The following OXSR1 variants were observed in gnomAD, a reference collection of about 807,000 sequenced individuals.
The protein encoded by OXSR1 is oxidative stress responsive kinase 1.
In OXSR1, 24 loss-of-function variants were observed where a neutral mutation model predicts 79.8. The observed-to-expected ratio is 0.30, with a 90% CI of 0.22 to 0.42. The LOEUF (loss-of-function observed/expected upper bound fraction) is 0.42. OXSR1 is among the 10% of genes least tolerant of loss of function. OXSR1 has a pLI of 1.00. For missense variants in OXSR1, 430 were observed against 618.4 expected (o/e 0.70, Z 3.23); for synonymous variants, 226 against 209.2 (o/e 1.08, Z -0.69).
At chr3:38,237,162 A>T (rs1283143286) in intron 11 of OXSR1, among the ~76,000 whole-genome samples, 1 of 151,584 alleles carries the variant, frequency 6.6e-6, no homozygotes, top group African/African-American at 2.4e-5. Flanking sequence ...TATAAAAATG[A>T]CCCAAATCTA....
chr3:38,233,081 C>T (rs536140800), intron 10 of OXSR1, among the ~76,000 whole-genome samples: 25 of 152,208 alleles, frequency 1.6e-4, no homozygotes, highest in African/African-American at 6.0e-4. Context: ...CTCCCCCACT[C>T]CATGCTGCAC....
intron 4 of OXSR1, among the ~76,000 whole-genome samples, chr3:38,207,137 ACTT>A (rs1229993073): frequency 6.6e-6 from 1 of 152,192 alleles, no homozygotes. Context: ...TGTCACCACT[ACTT>A]TGTTTTTCTT....
chr3:38,221,714 A>G (rs751154165), intron 6 of OXSR1, 27 bp downstream of exon 6: 31 of 1,361,256 alleles, frequency 2.3e-5, no homozygotes, highest in Non-Finnish European at 3.2e-5. Flanking sequence ...TCTGTTTTAA[A>G]TGGGTTAGGG....
intron 5 of OXSR1, among the ~76,000 whole-genome samples, chr3:38,218,570 A>G (rs886216197): frequency 4.6e-5 from 7 of 151,618 alleles, no homozygotes; most frequent in Admixed American, 4.6e-4. Flanking sequence ...CATATTTTGG[A>G]TGCCAATCCC....
intron 1 of OXSR1, among the ~76,000 whole-genome samples, chr3:38,173,038 A>G (rs936441721): frequency 6.6e-6 from 1 of 152,216 alleles, no homozygotes; most frequent in African/African-American, 2.4e-5. Flanking sequence ...AAGACACATG[A>G]CAGCTGAGTT....
intron 10 of OXSR1, among the ~76,000 whole-genome samples, chr3:38,234,761 G>A (rs1559524117): frequency 1.3e-5 from 2 of 152,328 alleles, no homozygotes; most frequent in African/African-American, 2.4e-5. Flanking sequence ...AATTGAAAAC[G>A]TAAGTCCACA....
At chr3:38,218,146 G>A (rs541346481) in intron 5 of OXSR1, among the ~76,000 whole-genome samples, 1 of 152,144 alleles carries the variant, frequency 6.6e-6, no homozygotes, top group African/African-American at 2.4e-5. Flanking sequence ...TAGAATTGCT[G>A]GATCGTATAG....
chr3:38,222,248 A>G lies in OXSR1; in HGVS notation c.600+561A>G, dbSNP rs538660341. 2.7e-4 allele frequency among the ~76,000 whole-genome samples: 41 copies of G among 152,274 alleles called. 1 individual carries two copies. Among genetic ancestry groups the G allele is most frequent in the Admixed American group, 2.4e-3 (36 of 15,288 alleles). On this transcript the variant is annotated intron_variant, in intron 6 of 17. Coordinates refer to ENST00000311806, the MANE Select transcript of OXSR1 (RefSeq NM_005109.3). Reference sequence around the variant, plus strand: ...GTCACATATACTCACAGCCTAGGGGAGGAGGATAACTGCATGCTGTGCAGG... The same window carrying G: ...GTCACATATACTCACAGCCTAGGGGGGGAGGATAACTGCATGCTGTGCAGG...
At chr3:38,200,390 T>A (rs1702143508) in intron 4 of OXSR1, among the ~76,000 whole-genome samples, 4 of 152,280 alleles carry the variant, frequency 2.6e-5, no homozygotes, top group Admixed American at 1.3e-4. Context: ...TTTCCTATGA[T>A]GTTGAAAAAC....
At chr3:38,180,276 G>A (rs1701757882) in intron 1 of OXSR1, among the ~76,000 whole-genome samples, 1 of 152,112 alleles carries the variant, frequency 6.6e-6, no homozygotes, top group African/African-American at 2.4e-5. Flanking sequence ...TGCAGTTCAA[G>A]TTCACATTGT....
chr3:38,183,931 T>A lies in OXSR1; in HGVS notation c.183+816T>A, dbSNP rs141505323. 3.3e-4 allele frequency among the ~76,000 whole-genome samples: 50 copies of A among 152,330 alleles called. 2 individuals are homozygous for A. In the East Asian group the frequency reaches 8.7e-3, roughly 26 times the overall value. ...TTCAGTTTCTTTGGCTTAATGAAAATAATAATACTTGCTTTGGATACCTTT... is the reference window on the plus strand; with the variant it reads ...TTCAGTTTCTTTGGCTTAATGAAAAAAATAATACTTGCTTTGGATACCTTT... On this transcript the variant is annotated intron_variant, in intron 2 of 17. Coordinates refer to ENST00000311806, the MANE Select transcript of OXSR1 (RefSeq NM_005109.3).
At chr3:38,194,829 A>G (rs888258642) in intron 3 of OXSR1, among the ~76,000 whole-genome samples, 20 of 152,236 alleles carry the variant, frequency 1.3e-4, no homozygotes, top group Non-Finnish European at 2.2e-4. Context: ...ACCTTCTTTC[A>G]TATCACCTTT....
intron 1 of OXSR1, among the ~76,000 whole-genome samples, chr3:38,167,709 C>G (rs1336154177): frequency 2.6e-5 from 4 of 152,178 alleles, no homozygotes; most frequent in Non-Finnish European, 4.4e-5. Context: ...TGTGTCCTTG[C>G]TACATATTGG....
Position 38,236,981 on chromosome 3 carries a change from G to C in OXSR1, c.1074+20G>C, listed in dbSNP as rs774341999. The C allele has an allele frequency of 8.1e-6, 13 of 1,601,250 alleles. No homozygotes were observed. In the Admixed American group the frequency reaches 2.2e-4, roughly 27 times the overall value. The stretch of plus-strand genomic sequence containing the variant: ...CTCAGGGTAAATTTTATTAAACTGT[G>C]TACTTTAGCTAGAACTTTTTGTAGT... On this transcript the variant is annotated intron_variant, in intron 11 of 17. Coordinates refer to ENST00000311806, the MANE Select transcript of OXSR1 (RefSeq NM_005109.3).
chr3:38,245,967 C>A, intron 12 of OXSR1, 108 bp from the exon 13 acceptor site: 1 of 954,618 alleles, frequency 1.0e-6, no homozygotes, highest in Non-Finnish European at 1.7e-6. Context: ...CTGTACACTA[C>A]CCAAAAACTA....
At chr3:38,252,782 A>T in intron 17 of OXSR1, 35 bp from the exon 18 acceptor site, 1 of 1,556,978 alleles carries the variant, frequency 6.4e-7, no homozygotes, top group Non-Finnish European at 8.9e-7. Context: ...TTTGTTTATA[A>T]ATAATCACAG....
At chr3:38,196,536 A>G (rs923854126) in intron 3 of OXSR1, among the ~76,000 whole-genome samples, 4 of 152,198 alleles carry the variant, frequency 2.6e-5, no homozygotes, top group Non-Finnish European at 5.9e-5. Context: ...TGTTATGCCA[A>G]AGAAGAAGGG....
intron 4 of OXSR1, among the ~76,000 whole-genome samples, chr3:38,209,674 G>A (rs1303999604): frequency 2.2e-5 from 3 of 138,768 alleles, no homozygotes; most frequent in South Asian, 4.4e-4. Context: ...TCGCTCTGTC[G>A]CCCAGGCTGG....
chr3:38,216,228 C>A, intron 5 of OXSR1, 77 bp downstream of exon 5: 1 of 929,588 alleles, frequency 1.1e-6, no homozygotes, highest in Non-Finnish European at 1.7e-6. Flanking sequence ...TTTCCTTAAT[C>A]AGCATTCTCT....
Sources: allele counts gnomAD v4.1 joint callset (sites outside exome capture counted in the v4.1 genomes callset), GRCh38; gene constraint gnomAD v4.1.1; transcripts MANE v1.5; gene names NCBI Gene and HGNC (gene_info 2026-07-23, HGNC 2026-07-21).